The following FAM13A variants were observed in gnomAD, a reference collection of about 807,000 sequenced individuals.
FAM13A encodes family with sequence similarity 13 member A.
In FAM13A, 76 loss-of-function variants were observed where a neutral mutation model predicts 129.6. That is an observed-to-expected ratio of 0.59 (90% confidence interval 0.49 to 0.71). FAM13A has a LOEUF of 0.71. Among genes scored for constraint, FAM13A ranks in the 30% least tolerant of loss-of-function variants. FAM13A has a pLI of 0.00. For missense variants in FAM13A, 1,108 were observed against 1,249.3 expected, an observed-to-expected ratio of 0.89 and a Z score of 1.70; for synonymous variants, 443 against 449.9, an observed-to-expected ratio of 0.98 and a Z score of 0.20.
At chr4:88,903,955 A>G (rs1050428358) in intron 6 of FAM13A, among the ~76,000 whole-genome samples, 1 of 152,188 alleles carries the variant, frequency 6.6e-6, no homozygotes, top group Admixed American at 6.5e-5. Context: ...AAAAGTGGGT[A>G]AAGGACATGA....
At chr4:89,014,921 C>T (rs55680516) in intron 3 of FAM13A, among the ~76,000 whole-genome samples, 3,094 of 152,214 alleles carry the variant, frequency 0.02, 98 homozygotes, top group African/African-American at 0.068. Context: ...GAGAGCTGGG[C>T]AGAACAGAGC....
intron 6 of FAM13A, among the ~76,000 whole-genome samples, chr4:88,900,016 G>C (rs562345310): frequency 4.6e-5 from 7 of 152,196 alleles, no homozygotes; most frequent in African/African-American, 1.7e-4. Flanking sequence ...AATAGACCAA[G>C]TGGAGGAAAG....
chr4:88,806,490 C>G (rs753178759), intron 7 of FAM13A, among the ~76,000 whole-genome samples: 2 of 152,152 alleles, frequency 1.3e-5, no homozygotes, highest in African/African-American at 2.4e-5. Context: ...AAAACACACA[C>G]AAGCAAACAA....
At chr4:88,757,120 C>G (rs542868858) in intron 14 of FAM13A, among the ~76,000 whole-genome samples, 1 of 145,548 alleles carries the variant, frequency 6.9e-6, no homozygotes, top group South Asian at 2.1e-4. Flanking sequence ...AAGGAAAATT[C>G]TTTATGTTAA....
intron 6 of FAM13A, among the ~76,000 whole-genome samples, chr4:88,880,095 C>T (rs930050745): frequency 5.3e-5 from 8 of 152,076 alleles, no homozygotes; most frequent in Non-Finnish European, 1.2e-4. Flanking sequence ...CCAAGGGAAG[C>T]TCCGACTTAG....
chr4:88,824,786 C>A (rs908547305), intron 7 of FAM13A, among the ~76,000 whole-genome samples: 7 of 152,032 alleles, frequency 4.6e-5, no homozygotes, highest in Non-Finnish European at 8.8e-5. Flanking sequence ...TGGCTCACTG[C>A]AACCTCCGCC....
intron 4 of FAM13A, among the ~76,000 whole-genome samples, chr4:88,967,998 T>C (rs927586843): frequency 1.3e-5 from 2 of 152,196 alleles, no homozygotes; most frequent in African/African-American, 4.8e-5. Context: ...TCCACAGTCA[T>C]ACTGACTTTT....
At chr4:88,898,000 C>T (rs1246856989) in intron 6 of FAM13A, among the ~76,000 whole-genome samples, 1 of 152,024 alleles carries the variant, frequency 6.6e-6, no homozygotes, top group African/African-American at 2.4e-5. Context: ...AGTAATTTCT[C>T]TATGGAATTA....
chr4:88,774,703 C>T (rs1399466875), intron 11 of FAM13A, among the ~76,000 whole-genome samples: 1 of 152,016 alleles, frequency 6.6e-6, no homozygotes, highest in Non-Finnish European at 1.5e-5. Context: ...ACAATAAGAG[C>T]CTCAACTATG....
intron 6 of FAM13A, among the ~76,000 whole-genome samples, chr4:88,854,204 T>G (rs1159592195): frequency 1.3e-5 from 2 of 152,208 alleles, no homozygotes; most frequent in East Asian, 3.8e-4. Context: ...TCCATGCTTT[T>G]ATAAAACATA....
intron 14 of FAM13A, among the ~76,000 whole-genome samples, chr4:88,753,386 A>G (rs1026256244): frequency 6.6e-6 from 1 of 152,240 alleles, no homozygotes; most frequent in African/African-American, 2.4e-5. Context: ...TTTACTGACA[A>G]GGAAATCAAA....
At chr4:88,747,555 T>C (rs1182930814) in intron 18 of FAM13A, 76 bp downstream of exon 18, 3 of 1,181,740 alleles carry the variant, frequency 2.5e-6, no homozygotes, top group Non-Finnish European at 3.8e-6. Flanking sequence ...CCACTGGGAT[T>C]CACGTGGCAT....
chr4:88,758,439 T>C (rs1744136306), intron 14 of FAM13A, among the ~76,000 whole-genome samples: 1 of 151,828 alleles, frequency 6.6e-6, no homozygotes, highest in African/African-American at 2.4e-5. Context: ...ATTACTCTGC[T>C]TGGTACTATG....
intron 5 of FAM13A, among the ~76,000 whole-genome samples, chr4:88,930,216 T>C (rs1340837767): frequency 1.3e-5 from 2 of 152,240 alleles, no homozygotes; most frequent in Admixed American, 1.3e-4. Flanking sequence ...GATTTGTTAC[T>C]GGACACTTGT....
chr4:88,955,018 C>G (rs763149232), intron 4 of FAM13A, among the ~76,000 whole-genome samples: 2 of 152,076 alleles, frequency 1.3e-5, no homozygotes, highest in African/African-American at 4.8e-5. Flanking sequence ...ATTACTCTGT[C>G]AGGTCAAGTC....
At chr4:88,921,331 T>C (rs373312404) in intron 5 of FAM13A, among the ~76,000 whole-genome samples, 12 of 152,276 alleles carry the variant, frequency 7.9e-5, no homozygotes, top group East Asian at 1.9e-4. Flanking sequence ...AAGGGAAGCC[T>C]ATCAGACTAA....
chr4:89,031,969 C>A (rs1445085864), intron 1 of FAM13A, among the ~76,000 whole-genome samples: 1 of 152,114 alleles, frequency 6.6e-6, no homozygotes, highest in Non-Finnish European at 1.5e-5. Context: ...CCTGTAATCC[C>A]AGCACTTTGG....
intron 6 of FAM13A, among the ~76,000 whole-genome samples, chr4:88,876,601 T>C (rs1742524968): frequency 6.6e-6 from 1 of 151,190 alleles, no homozygotes; most frequent in African/African-American, 2.4e-5. Context: ...CATCACTTCT[T>C]TTTTTTTTGA....
intron 4 of FAM13A, among the ~76,000 whole-genome samples, chr4:88,967,851 AT>A (rs1236043581): frequency 1.3e-5 from 2 of 152,202 alleles, no homozygotes; most frequent in African/African-American, 4.8e-5. Context: ...ATACTTGTTT[AT>A]TACCAGGAGT....
Sources: gnomAD v4.1 joint callset for allele counts (sites outside exome capture counted in the v4.1 genomes callset) on GRCh38, gnomAD v4.1.1 for gene constraint, MANE v1.5 for transcripts, NCBI Gene and HGNC (gene_info 2026-07-23, HGNC 2026-07-21) for gene names.